Variants in GPRC5A observed in about 807,000 individuals in gnomAD.
The protein encoded by GPRC5A is retinoic acid-induced protein 3.
Under a neutral mutation model 22.5 loss-of-function variants are expected in GPRC5A, and 19 were observed. That is an observed-to-expected ratio of 0.85 (90% CI 0.59 to 1.24). GPRC5A has a LOEUF of 1.24. Ranked by LOEUF, GPRC5A falls within the 50% of genes most tolerant of loss-of-function variation. The pLI is 0.00. For synonymous variants in GPRC5A, 192 were observed against 184.5 expected (o/e 1.04, Z -0.33); for missense variants, 471 against 451.1 (o/e 1.04, Z -0.40).
intron 1 of GPRC5A, among the ~76,000 whole-genome samples, chr12:12,899,002 G>A (rs1218120972): frequency 6.6e-6 from 1 of 151,936 alleles, no homozygotes; most frequent in East Asian, 1.9e-4. Context: ...TCATTCCAAG[G>A]GCAGTGGCCA....
In GPRC5A at chr12:12,908,567, C is replaced by A. The variant is rs1863967693; in HGVS notation, c.318C>A (p.Ser106=). The A allele has an allele frequency of 3.1e-6, 5 of 1,614,060 alleles. No homozygotes were observed. The highest frequency in any genetic ancestry group is 4.2e-6 in the Non-Finnish European group (5 of 1,180,044). The stretch of plus-strand genomic sequence containing the variant: ...TCTTCCTCTTTGGGATCCTCTTTTC[C>A]ATCTGCTTCTCCTGCCTGCTGGCTC... ...TRFFLFGILF[S]ICFSCLLAHA... The change falls in exon 2 of 4, where the codon TCC becomes TCA. Residue 106 remains serine (S), a synonymous_variant. Transcript: ENST00000014914.
chr12:12,910,661 TC>T (rs1220914505), intron 2 of GPRC5A, among the ~76,000 whole-genome samples: 1 of 152,124 alleles, frequency 6.6e-6, no homozygotes, highest in Non-Finnish European at 1.5e-5. Flanking sequence ...TGTGACCATC[TC>T]CCTCTTCTGC....
Position 12,914,544 on chromosome 12 carries a change from C to CCCTT in GPRC5A, c.*2006_*2007insCTTC, listed in dbSNP as rs1864038055. 1 of 135,890 alleles carries CCCTT rather than the reference C, an allele frequency of 7.4e-6. No homozygotes were observed. The highest frequency in any genetic ancestry group is 2.8e-5 in the African/African-American group (1 of 35,458). The allele number at this position is 135,890 out of a possible 1,614,324, so 8.4% of individuals were successfully genotyped here. A position where few individuals can be genotyped will look rare whatever the true frequency, so the allele number is the denominator to read the frequency against. On this transcript the variant is annotated 3_prime_UTR_variant, in exon 4 of 4. Coordinates refer to ENST00000014914, the MANE Select transcript of GPRC5A (RefSeq NM_003979.4). The stretch of plus-strand genomic sequence containing the variant: ...TCTTTCTCTCTTTCCTTCCTTCCTT[C>CCCTT]CTTTCTTCTTTCTTTCTTTCTTTCT...
Position 12,909,053 on chromosome 12 carries a change from C to T in GPRC5A, c.804C>T (p.Leu268=), listed in dbSNP as rs143081065. 6.6e-5 allele frequency: 106 copies of T among 1,610,618 alleles called. No homozygotes were observed. In the East Asian group the frequency reaches 2.0e-3, roughly 30 times the overall value. The change falls in exon 2 of 4, where the codon CTC becomes CTT. Residue 268 remains leucine (L), a synonymous_variant. Transcript: ENST00000014914. Reference sequence around the variant, plus strand: ...ATGTTAGTCCCGAGTTTTGGCTGCTCACAAAGCAACGAAACCCCATGGATT... The same window carrying T: ...ATGTTAGTCCCGAGTTTTGGCTGCTTACAAAGCAACGAAACCCCATGGATT... ...LAYVSPEFWL[L]TKQRNPMDYP... is the part of the protein sequence containing the mutation.
intron 1 of GPRC5A, among the ~76,000 whole-genome samples, chr12:12,901,754 T>C (rs1290716455): frequency 7.4e-6 from 1 of 134,988 alleles, no homozygotes; most frequent in Non-Finnish European, 1.5e-5. Context: ...CTCATCAGAC[T>C]TGGGCATCAA....
At chr12:12,912,351 A>G in intron 3 of GPRC5A, 96 bp from the exon 4 acceptor site, 1 of 923,506 alleles carries the variant, frequency 1.1e-6, no homozygotes, top group Admixed American at 1.8e-5. Flanking sequence ...GAGGCCTGGG[A>G]GAAAGGGAAG....
At chr12:12,907,885 C>T (rs1863959349) in intron 1 of GPRC5A, among the ~76,000 whole-genome samples, 1 of 152,190 alleles carries the variant, frequency 6.6e-6, no homozygotes, top group Admixed American at 6.5e-5. Flanking sequence ...CTTCAGACTC[C>T]TGAAGTGCTG....
At chr12:12,906,952 G>A (rs1344710909) in intron 1 of GPRC5A, among the ~76,000 whole-genome samples, 1 of 152,080 alleles carries the variant, frequency 6.6e-6, no homozygotes, top group African/African-American at 2.4e-5. Flanking sequence ...AGCTACTCAG[G>A]AGGCTGAGGC....
rs1397494349 is a variant in GPRC5A at position 12,915,998 on chromosome 12, T to C, written c.*3459T>C. ...CTTCAGGTCTCACACCTTCTGCACA[T>C]AAATAAGCTATTTTTAAAAGTTATT... On this transcript the variant is annotated 3_prime_UTR_variant, in exon 4 of 4. Transcript: ENST00000014914. The C allele has an allele frequency of 5.5e-6, 2 of 362,874 alleles. No homozygotes were observed. The highest frequency in any genetic ancestry group is 8.0e-5 in the East Asian group (1 of 12,516). 22.5% of individuals were successfully genotyped at this position (362,874 alleles called of 1,614,324 possible). A position where few individuals can be genotyped will look rare whatever the true frequency, so the allele number is the denominator to read the frequency against.
intron 1 of GPRC5A, among the ~76,000 whole-genome samples, chr12:12,904,747 A>G (rs1006638106): frequency 3.9e-5 from 6 of 152,188 alleles, no homozygotes; most frequent in Non-Finnish European, 7.3e-5. Context: ...TTCACATGAT[A>G]TTCACATATG....
intron 1 of GPRC5A, among the ~76,000 whole-genome samples, chr12:12,894,737 G>A (rs1478924783): frequency 1.4e-5 from 2 of 141,414 alleles, no homozygotes; most frequent in Non-Finnish European, 3.1e-5. Flanking sequence ...ACGTATTTTG[G>A]TGCTATATTA....
chr12:12,898,287 C>A (rs1011354851), intron 1 of GPRC5A, among the ~76,000 whole-genome samples: 1 of 152,168 alleles, frequency 6.6e-6, no homozygotes, highest in Non-Finnish European at 1.5e-5. Context: ...AATCCCAGTA[C>A]TTTGGGAGGC....
chr12:12,893,210 C>T (rs1863782452), intron 1 of GPRC5A, among the ~76,000 whole-genome samples: 2 of 152,208 alleles, frequency 1.3e-5, no homozygotes, highest in African/African-American at 4.8e-5. Context: ...TTGGGGAGGC[C>T]CCCAGTTTCC....
intron 1 of GPRC5A, among the ~76,000 whole-genome samples, chr12:12,899,206 T>C (rs866331244): frequency 6.6e-6 from 1 of 152,116 alleles, no homozygotes; most frequent in Admixed American, 6.6e-5. Context: ...GGCTAATTTT[T>C]AATTTCTTTT....
At chr12:12,904,888 T>G (rs200440570) in intron 1 of GPRC5A, among the ~76,000 whole-genome samples, 25,879 of 93,822 alleles carry the variant, frequency 0.28, 2,732 homozygotes, top group East Asian at 0.75. Context: ...TTTGTGGTTT[T>G]TTTTTTTTTT....
chr12:12,912,041 TGG>T, intron 2 of GPRC5A, 41 bp from the exon 3 acceptor site: 1 of 1,397,464 alleles, frequency 7.2e-7, no homozygotes, highest in Non-Finnish European at 1.0e-6. Context: ...TGAACATAGG[TGG>T]GGGCCCCAGT....
intron 1 of GPRC5A, among the ~76,000 whole-genome samples, chr12:12,900,493 G>A (rs888110240): frequency 2.0e-5 from 3 of 152,294 alleles, no homozygotes; most frequent in Non-Finnish European, 4.4e-5. Flanking sequence ...GAGGAACAGA[G>A]GGCTTGGAGT....
Position 12,908,546 on chromosome 12 carries a change from C to G in GPRC5A, c.297C>G (p.Phe99Leu). ...GGAGCACAGGGCCCACACGCTTCTT[C>G]CTCTTTGGGATCCTCTTTTCCATCT... is the stretch of plus-strand genomic sequence containing the variant. ...LDGSTGPTRF[F>L]LFGILFSICF... Residue 99 changes from phenylalanine (F) to leucine (L), a missense_variant, in exon 2 of 4, where the codon TTC becomes TTG. Coordinates refer to ENST00000014914, the MANE Select transcript of GPRC5A (RefSeq NM_003979.4). 1 of 1,614,142 alleles carries G rather than the reference C, an allele frequency of 6.2e-7. No homozygotes were observed. Among genetic ancestry groups the G allele is most frequent in the African/African-American group, 1.3e-5 (1 of 75,032 alleles).
At position 12,908,910 on chromosome 12, in the gene GPRC5A, A is replaced by T; in HGVS notation, c.661A>T (p.Ile221Phe). The stretch of plus-strand genomic sequence containing the variant: ...CATCTACCTCACGATGCTCCTCTCC[A>T]TTGCCATCTGGGTGGCCTGGATCAC... Reference protein sequence around the residue: ...AHIYLTMLLSIAIWVAWITLL... With the variant: ...AHIYLTMLLSFAIWVAWITLL... The change falls in exon 2 of 4, where the codon ATT becomes TTT. Residue 221 changes from isoleucine (I) to phenylalanine (F), a missense_variant. Coordinates refer to ENST00000014914, the MANE Select transcript of GPRC5A (RefSeq NM_003979.4). 6.2e-7 allele frequency: 1 copy of T among 1,613,946 alleles called. No homozygotes were observed. Among genetic ancestry groups the T allele is most frequent in the South Asian group, 1.1e-5 (1 of 91,064 alleles).
Sources: allele counts gnomAD v4.1 joint callset (sites outside exome capture counted in the v4.1 genomes callset), GRCh38; gene constraint gnomAD v4.1.1; transcripts MANE v1.5; gene names NCBI Gene and HGNC (gene_info 2026-07-23, HGNC 2026-07-21).